DCAF6: variants seen among roughly 807,000 people sequenced by gnomAD.
The protein encoded by DCAF6 is DDB1 and CUL4 associated factor 6, also known as DDB1- and CUL4-associated factor 6.
DCAF6 carries 54 observed loss-of-function variants against 125.1 expected under a neutral mutation model. The observed-to-expected ratio is 0.43, with a 90% CI of 0.35 to 0.54. The LOEUF (loss-of-function observed/expected upper bound fraction) is 0.54. Among genes scored for constraint, DCAF6 ranks in the 20% least tolerant of loss-of-function variants. DCAF6 has a pLI of 0.01. For missense variants in DCAF6, 934 were observed against 1,161.7 expected (o/e 0.80, Z 2.85); for synonymous variants, 371 against 390.4 (o/e 0.95, Z 0.58).
At position 168,075,629 on chromosome 1, in the gene DCAF6, C is replaced by A; in HGVS notation, c.*194C>A. The A allele has an allele frequency of 2.0e-6, 1 of 498,754 alleles. No homozygotes were observed. The allele number at this position is 498,754 out of a possible 1,614,324, so 30.9% of individuals were successfully genotyped here. ...GGGAGATTGTATAAAACAAAACTAG[C>A]AGAATGTTTTTAAAACTTTTTGCCG... On this transcript the variant is annotated 3_prime_UTR_variant, in exon 22 of 22. Transcript: ENST00000367840.
the DCAF6 span, among the ~76,000 whole-genome samples, chr1:167,894,824 T>C: frequency 1.3e-5 from 2 of 152,252 alleles, no homozygotes; most frequent in East Asian, 3.9e-4. Context: ...TTGCAGCTAG[T>C]GTCTGAAGTT....
At chr1:167,885,121 CATTTTTTTTATGGCTGA>C in the DCAF6 span, among the ~76,000 whole-genome samples, 49 of 136,326 alleles carry the variant, frequency 3.6e-4, no homozygotes, top group Non-Finnish European at 6.8e-4. Context: ...TGACAGATCT[CATTTTTTTTATGGCTGA>C]ATAGTACTTC....
chr1:168,040,160 A>G (rs1688341998), intron 13 of DCAF6, among the ~76,000 whole-genome samples: 1 of 151,992 alleles, frequency 6.6e-6, no homozygotes, highest in Non-Finnish European at 1.5e-5. Flanking sequence ...AGAAGGAGTG[A>G]GCCACGTATT....
chr1:168,016,567 CAT>C (rs1685001082), intron 11 of DCAF6, among the ~76,000 whole-genome samples: 1 of 152,128 alleles, frequency 6.6e-6, no homozygotes, highest in Non-Finnish European at 1.5e-5. Context: ...ACTGTGATAA[CAT>C]AGTAAAAATT....
intron 11 of DCAF6, among the ~76,000 whole-genome samples, chr1:168,021,229 T>G (rs1685632796): frequency 6.6e-6 from 1 of 152,260 alleles, no homozygotes; most frequent in Non-Finnish European, 1.5e-5. Flanking sequence ...AATAAATGTT[T>G]GAAGATAAGA....
At chr1:168,004,507 A>T (rs756031259) in intron 9 of DCAF6, 26 bp from the exon 10 acceptor site, 1 of 1,606,040 alleles carries the variant, frequency 6.2e-7, no homozygotes, top group Admixed American at 1.7e-5. Flanking sequence ...TTAAAATTTG[A>T]ATTTGCCTTA....
At chr1:168,035,843 A>G (rs1028634580) in intron 12 of DCAF6, among the ~76,000 whole-genome samples, 7 of 152,096 alleles carry the variant, frequency 4.6e-5, no homozygotes, top group African/African-American at 1.7e-4. Flanking sequence ...TGGGTGAATC[A>G]CTTGAGGTCA....
intron 17 of DCAF6, among the ~76,000 whole-genome samples, chr1:168,052,426 C>T (rs1572106934): frequency 6.6e-6 from 1 of 152,150 alleles, no homozygotes; most frequent in Non-Finnish European, 1.5e-5. Context: ...AGTTACCTCC[C>T]TGTAGAGTGA....
At chr1:168,071,610 G>A (rs556828369) in intron 21 of DCAF6, among the ~76,000 whole-genome samples, 17 of 152,110 alleles carry the variant, frequency 1.1e-4, no homozygotes, top group Non-Finnish European at 2.4e-4. Context: ...CTCCAGCCTG[G>A]GTGACAGATT....
At chr1:168,041,290 A>G (rs550896357) in intron 13 of DCAF6, among the ~76,000 whole-genome samples, 1 of 152,116 alleles carries the variant, frequency 6.6e-6, no homozygotes, top group Admixed American at 6.6e-5. Flanking sequence ...TTATTGCGTT[A>G]TTAGAGCTAT....
At chr1:168,047,288 C>G (rs188828693) in intron 16 of DCAF6, among the ~76,000 whole-genome samples, 1 of 151,758 alleles carries the variant, frequency 6.6e-6, no homozygotes, top group Non-Finnish European at 1.5e-5. Flanking sequence ...CCTCATTGAC[C>G]CAAGGAAACC....
rs538577104 is a variant in DCAF6 at position 168,022,605 on chromosome 1, T to G, written c.1550-383T>G. 7.9e-5 allele frequency among the ~76,000 whole-genome samples: 12 copies of G among 152,346 alleles called. No homozygotes were observed. In the South Asian group the frequency reaches 2.5e-3, roughly 32 times the overall value. ...GCATTTCGTTTCATGCTTCGAATCCTCCAAGGCAGGATGAAAACCATCTTA... is the reference window on the plus strand; with the variant it reads ...GCATTTCGTTTCATGCTTCGAATCCGCCAAGGCAGGATGAAAACCATCTTA... On this transcript the variant is annotated intron_variant, in intron 11 of 21. Coordinates refer to ENST00000367840, the MANE Select transcript of DCAF6 (RefSeq NM_001198956.2).
chr1:167,883,361 A>T, the DCAF6 span: 2 of 1,519,002 alleles, frequency 1.3e-6, no homozygotes, highest in South Asian at 2.3e-5. Flanking sequence ...TCCTGTGTCT[A>T]TTCTCACCAA....
the DCAF6 span, among the ~76,000 whole-genome samples, chr1:167,881,261 T>A: frequency 2.6e-5 from 4 of 152,228 alleles, no homozygotes; most frequent in African/African-American, 7.2e-5. Context: ...TTGGCATTTG[T>A]AGTATTAGTC....
chr1:167,926,685 C>T, the DCAF6 span, among the ~76,000 whole-genome samples: 2 of 152,282 alleles, frequency 1.3e-5, no homozygotes, highest in Admixed American at 1.3e-4. Context: ...TGTTAAACAT[C>T]CTCCAATGCG....
upstream of DCAF6, chr1:167,935,617 G>A (rs1160981291): frequency 2.6e-6 from 2 of 779,994 alleles, no homozygotes; most frequent in South Asian, 1.6e-5. Flanking sequence ...CACTTGAAGG[G>A]AAGGGATTGG....
At chr1:167,996,897 A>G (rs529890435) in intron 7 of DCAF6, among the ~76,000 whole-genome samples, 2 of 152,186 alleles carry the variant, frequency 1.3e-5, no homozygotes, top group African/African-American at 2.4e-5. Flanking sequence ...TCACCATCCT[A>G]TTTAAAATCA....
intron 3 of DCAF6, among the ~76,000 whole-genome samples, chr1:167,967,739 T>TTTTTG (rs1363074863): frequency 1.4e-5 from 2 of 141,680 alleles, no homozygotes; most frequent in African/African-American, 5.8e-5. Context: ...TTTTTTTTTT[T>TTTTTG]TGTGGCAAGG....
chr1:167,974,225 A>G (rs1250191238), intron 3 of DCAF6, among the ~76,000 whole-genome samples: 1 of 152,092 alleles, frequency 6.6e-6, no homozygotes, highest in African/African-American at 2.4e-5. Context: ...AAAAAAAATC[A>G]GGTCTTGTCA....
Sources: gnomAD v4.1 joint callset for allele counts (sites outside exome capture counted in the v4.1 genomes callset) on GRCh38, gnomAD v4.1.1 for gene constraint, MANE v1.5 for transcripts, NCBI Gene and HGNC (gene_info 2026-07-23, HGNC 2026-07-21) for gene names.